The following SFTPD variants were observed in gnomAD, a reference collection of about 807,000 sequenced individuals.
SFTPD encodes the protein pulmonary surfactant-associated protein D.
SFTPD carries 18 observed loss-of-function variants against 34.6 expected under a neutral mutation model. The observed-to-expected ratio is 0.52, with a 90% confidence interval of 0.36 to 0.77. The LOEUF is 0.77. Among genes scored for constraint, SFTPD ranks in the 30% least tolerant of loss-of-function variants. The pLI is 0.00. For missense variants in SFTPD, 433 were observed against 468.9 expected, an observed-to-expected ratio of 0.92 and a Z score of 0.71; for synonymous variants, 155 against 180.9, an observed-to-expected ratio of 0.86 and a Z score of 1.15.
intron 1 of SFTPD, chr10:79,968,157 T>C (rs766133207): frequency 6.6e-6 from 1 of 152,186 alleles, no homozygotes; most frequent in African/African-American, 2.4e-5. Context: ...CCTCAAATAG[T>C]TATGATTTCC....
intron 5 of SFTPD, among the ~76,000 whole-genome samples, 183 bp from the exon 6 acceptor site, chr10:79,941,697 G>T (rs527311930): frequency 2.0e-5 from 3 of 152,096 alleles, no homozygotes; most frequent in Non-Finnish European, 4.4e-5. Flanking sequence ...AATCAACCCC[G>T]CTGTGGAAAA....
rs181387448 is a variant in SFTPD, at chr10:79,979,641, G to A, written c.36+2934C>T. Among the ~76,000 whole-genome samples, 493 of 152,330 alleles carry A rather than the reference G, an allele frequency of 3.2e-3. 1 individual carries two copies. The highest frequency in any genetic ancestry group is 5.9e-3 in the Non-Finnish European group (403 of 68,040). On this transcript the variant is annotated intron_variant, in intron 1 of 5. Transcript: ENST00000444384. ...CAAAGAGGAATTGTCCATTCCAGGGGTCAGAATCTGGATAGACCCACCACC... is the reference window on the plus strand; with the variant it reads ...CAAAGAGGAATTGTCCATTCCAGGGATCAGAATCTGGATAGACCCACCACC...
intron 1 of SFTPD, among the ~76,000 whole-genome samples, chr10:79,954,893 T>C (rs1842730105): frequency 6.6e-6 from 1 of 152,158 alleles, no homozygotes; most frequent in South Asian, 2.1e-4. Context: ...ACTTGCTGGC[T>C]CCTTGCTTCT....
Position 79,937,797 on chromosome 10 carries a change from CT to C in SFTPD, c.*54del. ...ATATTGGCAGCATGAGGGTCTAAGC[CT>C]TGACTTCTGGCCAAACTCCTGGGCC... On this transcript the variant is annotated 3_prime_UTR_variant, in exon 8 of 8. Coordinates refer to ENST00000372292, the MANE Select transcript of SFTPD (RefSeq NM_003019.5). 1 of 1,502,916 alleles carries C rather than the reference CT, an allele frequency of 6.7e-7. No homozygotes were observed. The highest frequency in any genetic ancestry group is 1.3e-5 in the South Asian group (1 of 74,094). 93.1% of individuals were successfully genotyped at this position (1,502,916 alleles called of 1,614,324 possible).
chr10:79,954,200 C>A (rs1842726725), intron 1 of SFTPD, among the ~76,000 whole-genome samples: 1 of 152,008 alleles, frequency 6.6e-6, no homozygotes, highest in Non-Finnish European at 1.5e-5. Flanking sequence ...GTTACTGGAG[C>A]TTTATTAGAT....
intron 2 of SFTPD, among the ~76,000 whole-genome samples, chr10:79,943,741 G>A (rs1842639099): frequency 1.3e-5 from 2 of 152,160 alleles, no homozygotes; most frequent in African/African-American, 2.4e-5. Flanking sequence ...TCCGTGCCCT[G>A]GGTCCAGCCA....
chr10:79,938,361 A>T, intron 7 of SFTPD, 133 bp from the exon 8 acceptor site: 2 of 762,314 alleles, frequency 2.6e-6, no homozygotes, highest in Non-Finnish European at 4.2e-6. Flanking sequence ...GCCAGAGAGA[A>T]TGCAAGAGAG....
At chr10:79,941,919 G>T (rs1324500444) in intron 5 of SFTPD, 35 bp downstream of exon 5, 3 of 1,417,394 alleles carry the variant, frequency 2.1e-6, no homozygotes, top group South Asian at 2.3e-5. Flanking sequence ...CAGGAGAACT[G>T]GACCCAGCCC....
At chr10:79,941,674 C>T in intron 5 of SFTPD, 160 bp from the exon 6 acceptor site, 2 of 639,306 alleles carry the variant, frequency 3.1e-6, no homozygotes, top group Non-Finnish European at 5.4e-6. Context: ...ACTGACTGTC[C>T]CTGTCACCCA....
chr10:79,941,929 C>T (rs771706886), intron 5 of SFTPD, 25 bp downstream of exon 5: 1 of 1,490,828 alleles, frequency 6.7e-7, no homozygotes, highest in Non-Finnish European at 9.3e-7. Context: ...GGACCCAGCC[C>T]AGCCCAGCTC....
intron 1 of SFTPD, chr10:79,968,459 T>C (rs1317607239): frequency 3.9e-5 from 6 of 152,236 alleles, no homozygotes. Context: ...GATAATGGCC[T>C]CCAGTTCTAT....
chr10:79,974,127 G>A (rs1842851046), intron 1 of SFTPD, among the ~76,000 whole-genome samples: 1 of 152,026 alleles, frequency 6.6e-6, no homozygotes, highest in Non-Finnish European at 1.5e-5. Flanking sequence ...GCCGTTAGTT[G>A]TTTTATTCTC....
chr10:79,961,361 C>T (rs1322271282), intron 1 of SFTPD, among the ~76,000 whole-genome samples: 2 of 151,926 alleles, frequency 1.3e-5, no homozygotes, highest in African/African-American at 4.8e-5. Context: ...GAACAGGTAA[C>T]CTATAAAATG....
chr10:79,946,955 G>T (rs965181213), intron 1 of SFTPD, among the ~76,000 whole-genome samples: 17 of 152,174 alleles, frequency 1.1e-4, no homozygotes, highest in African/African-American at 3.9e-4. Context: ...ACTAAGTTTG[G>T]CACAGTGGCT....
intron 1 of SFTPD, among the ~76,000 whole-genome samples, chr10:79,976,161 G>A (rs1842863220): frequency 6.6e-6 from 1 of 152,166 alleles, no homozygotes; most frequent in Non-Finnish European, 1.5e-5. Context: ...TTTCTCTTTT[G>A]GCAAAAGAAT....
chr10:79,957,975 A>T (rs991615161), intron 1 of SFTPD, among the ~76,000 whole-genome samples: 2 of 152,234 alleles, frequency 1.3e-5, no homozygotes, highest in African/African-American at 4.8e-5. Flanking sequence ...TACAAGCCAG[A>T]AGAGAGTGGG....
intron 1 of SFTPD, among the ~76,000 whole-genome samples, chr10:79,980,809 C>T (rs540270063): frequency 6.6e-6 from 1 of 152,322 alleles, no homozygotes; most frequent in South Asian, 2.1e-4. Context: ...CCAAATAATT[C>T]GATTACGACG....
intron 1 of SFTPD, among the ~76,000 whole-genome samples, chr10:79,966,927 A>T (rs1842806100): frequency 6.8e-6 from 1 of 147,522 alleles, no homozygotes; most frequent in Non-Finnish European, 1.5e-5. Context: ...CTCCTATTCA[A>T]CATAGTGTTG....
At chr10:79,980,043 A>G (rs1842882091) in intron 1 of SFTPD, among the ~76,000 whole-genome samples, 1 of 152,196 alleles carries the variant, frequency 6.6e-6, no homozygotes, top group Admixed American at 6.5e-5. Flanking sequence ...CACTGCCCTC[A>G]AGGAAAGAAG....
Sources: allele counts gnomAD v4.1 joint callset (sites outside exome capture counted in the v4.1 genomes callset), GRCh38; gene constraint gnomAD v4.1.1; transcripts MANE v1.5; gene names NCBI Gene and HGNC (gene_info 2026-07-23, HGNC 2026-07-21).